The following CNTNAP2 variants were observed in gnomAD, a reference collection of about 807,000 sequenced individuals.
CNTNAP2 encodes the protein contactin-associated protein-like 2.
A neutral mutation model predicts 155.2 loss-of-function variants in CNTNAP2; 98 were observed. The observed-to-expected ratio is 0.63, with a 90% CI of 0.54 to 0.75. The LOEUF (loss-of-function observed/expected upper bound fraction) is 0.75. Among genes scored for constraint, CNTNAP2 ranks in the 30% least tolerant of loss-of-function variants. CNTNAP2 has a pLI of 0.00. For synonymous variants in CNTNAP2, 651 were observed against 631.2 expected, an observed-to-expected ratio of 1.03 and a Z score of -0.47; for missense variants, 1,727 against 1,688.1, an observed-to-expected ratio of 1.02 and a Z score of -0.40.
chr7:147,849,914 G>C (rs1199162806), intron 13 of CNTNAP2: 1 of 152,264 alleles, frequency 6.6e-6, no homozygotes, highest in Non-Finnish European at 1.5e-5. Flanking sequence ...GAATATGCCT[G>C]ATCTCAGAAG....
intron 3 of CNTNAP2, among the ~76,000 whole-genome samples, chr7:147,022,242 G>A (rs2129246935): frequency 6.6e-6 from 1 of 152,178 alleles, no homozygotes; most frequent in South Asian, 2.1e-4. Flanking sequence ...GTCATTGCCT[G>A]CCAGGAGTCA....
intron 13 of CNTNAP2, among the ~76,000 whole-genome samples, chr7:147,744,433 A>G (rs1280505541): frequency 6.6e-6 from 1 of 152,220 alleles, no homozygotes. Flanking sequence ...ATTCAACTTT[A>G]TATGCCAGTG....
At chr7:146,354,121 A>C (rs966790626) in intron 1 of CNTNAP2, among the ~76,000 whole-genome samples, 1 of 152,156 alleles carries the variant, frequency 6.6e-6, no homozygotes, top group African/African-American at 2.4e-5. Flanking sequence ...ATAACTACTC[A>C]TGAAGATAAT....
At chr7:147,200,614 C>T (rs1340124250) in intron 8 of CNTNAP2, among the ~76,000 whole-genome samples, 1 of 152,170 alleles carries the variant, frequency 6.6e-6, no homozygotes, top group African/African-American at 2.4e-5. Context: ...CCATTTCTAC[C>T]TTCCAAAGTG....
chr7:146,638,239 T>C (rs1799631869), intron 1 of CNTNAP2, among the ~76,000 whole-genome samples: 1 of 152,130 alleles, frequency 6.6e-6, no homozygotes, highest in Admixed American at 6.5e-5. Flanking sequence ...TGACTTAAAT[T>C]ATTAAGCATT....
intron 19 of CNTNAP2, among the ~76,000 whole-genome samples, chr7:148,221,634 C>T (rs556650206): frequency 1.1e-4 from 17 of 152,276 alleles, no homozygotes; most frequent in African/African-American, 2.9e-4. Context: ...GTAAGGTCTA[C>T]GCCAAAGTAT....
intron 1 of CNTNAP2, among the ~76,000 whole-genome samples, chr7:146,255,949 T>G (rs1214693549): frequency 1.3e-5 from 2 of 152,190 alleles, no homozygotes; most frequent in African/African-American, 4.8e-5. Context: ...CCTTCTAAAT[T>G]TTGACTGTGA....
chr7:147,381,675 T>C (rs998743603), intron 9 of CNTNAP2, among the ~76,000 whole-genome samples: 1 of 152,160 alleles, frequency 6.6e-6, no homozygotes, highest in African/African-American at 2.4e-5. Flanking sequence ...ATTTGCAAAT[T>C]GCTAAGTATC....
intron 1 of CNTNAP2, among the ~76,000 whole-genome samples, chr7:146,136,572 G>C (rs115146757): frequency 0.014 from 2,125 of 152,194 alleles, 44 homozygotes; most frequent in African/African-American, 0.047. Context: ...CACCAGGGGT[G>C]GTAGAGAGTT....
chr7:147,466,922 A>AAATAAT (rs1215389605), intron 10 of CNTNAP2, among the ~76,000 whole-genome samples: 41 of 152,204 alleles, frequency 2.7e-4, no homozygotes, highest in African/African-American at 9.9e-4. Context: ...TCCATCTCAA[A>AAATAAT]AATAATAATA....
chr7:146,869,774 G>C (rs1795270354), intron 3 of CNTNAP2, among the ~76,000 whole-genome samples: 1 of 152,130 alleles, frequency 6.6e-6, no homozygotes, highest in Non-Finnish European at 1.5e-5. Context: ...CAGCAAGTCA[G>C]CTTCTTCCAC....
chr7:147,997,724 T>C (rs1009011600), intron 15 of CNTNAP2, among the ~76,000 whole-genome samples: 1 of 151,838 alleles, frequency 6.6e-6, no homozygotes, highest in African/African-American at 2.4e-5. Flanking sequence ...CAGAAAAGAT[T>C]GGCGGGAGGG....
chr7:148,035,346 C>A (rs1371832217), intron 15 of CNTNAP2, among the ~76,000 whole-genome samples: 1 of 152,126 alleles, frequency 6.6e-6, no homozygotes, highest in African/African-American at 2.4e-5. Flanking sequence ...AAGCCCAGAG[C>A]TCTAGGAGGG....
At chr7:146,192,255 A>G (rs1798716858) in intron 1 of CNTNAP2, among the ~76,000 whole-genome samples, 1 of 152,146 alleles carries the variant, frequency 6.6e-6, no homozygotes, top group South Asian at 2.1e-4. Context: ...TTAGTGTTCA[A>G]AGCAGCCTGT....
At chr7:147,574,673 T>A (rs971345030) in intron 12 of CNTNAP2, among the ~76,000 whole-genome samples, 1 of 152,096 alleles carries the variant, frequency 6.6e-6, no homozygotes, top group African/African-American at 2.4e-5. Flanking sequence ...TTGCCAACAA[T>A]CTTGGAACCA....
chr7:147,383,395 A>G lies in CNTNAP2; in HGVS notation c.1499-12214A>G, dbSNP rs537974533. On this transcript the variant is annotated intron_variant, in intron 9 of 23. Transcript: ENST00000361727. ...ATCTTGATCTTCTCTCTGATATCATATGGATTGTTTTAGATAAGTAAGGTG... is the reference window on the plus strand; with the variant it reads ...ATCTTGATCTTCTCTCTGATATCATGTGGATTGTTTTAGATAAGTAAGGTG... Among the ~76,000 whole-genome samples, 36 of 152,338 alleles carry G rather than the reference A, an allele frequency of 2.4e-4. No individual in the cohort carries two copies. In the South Asian group the frequency reaches 6.4e-3, roughly 27 times the overall value.
At chr7:146,745,743 C>A (rs917354511) in intron 1 of CNTNAP2, among the ~76,000 whole-genome samples, 5 of 142,180 alleles carry the variant, frequency 3.5e-5, no homozygotes, top group Admixed American at 2.9e-4. Flanking sequence ...TCCAGCCTGG[C>A]GACAGAGCAA....
At chr7:146,907,858 G>C (rs372339749) in intron 3 of CNTNAP2, among the ~76,000 whole-genome samples, 1 of 152,146 alleles carries the variant, frequency 6.6e-6, no homozygotes, top group African/African-American at 2.4e-5. Flanking sequence ...AGACTGGCAA[G>C]TTGGATAAAG....
At chr7:147,680,371 T>G (rs1280641781) in intron 13 of CNTNAP2, among the ~76,000 whole-genome samples, 1 of 152,068 alleles carries the variant, frequency 6.6e-6, no homozygotes, top group East Asian at 1.9e-4. Flanking sequence ...ATCATCTGTT[T>G]TTCTTGGAGG....
Sources: allele counts gnomAD v4.1 joint callset (sites outside exome capture counted in the v4.1 genomes callset), GRCh38; gene constraint gnomAD v4.1.1; transcripts MANE v1.5; gene names NCBI Gene and HGNC (gene_info 2026-07-23, HGNC 2026-07-21).